NPLOC4: variants seen among roughly 807,000 people sequenced by gnomAD.
NPLOC4 encodes nuclear protein localization protein 4 homolog.
In NPLOC4, 18 loss-of-function variants were observed where a neutral mutation model predicts 80.6. That is an observed-to-expected ratio of 0.22 (90% CI 0.15 to 0.33). The LOEUF is 0.33. NPLOC4 is among the 10% of genes least tolerant of loss of function. NPLOC4 has a pLI of 1.00. For missense variants in NPLOC4, 540 were observed against 786.1 expected, an observed-to-expected ratio of 0.69 and a Z score of 3.74; for synonymous variants, 313 against 301.5, an observed-to-expected ratio of 1.04 and a Z score of -0.39.
chr17:81,625,662 T>G (rs2035775794), intron 2 of NPLOC4, among the ~76,000 whole-genome samples: 1 of 151,898 alleles, frequency 6.6e-6, no homozygotes, highest in Non-Finnish European at 1.5e-5. Context: ...GCCCAGAAGT[T>G]TAAGGCTACA....
In NPLOC4 at chr17:81,560,015, A is replaced by G. The variant is rs931275551; in HGVS notation, c.1670-599T>C. ...CTCCCAAAGTGCTGGGATTATAGGT[A>G]TGAGCCACCATGCCCAGCCTCCAGT... On this transcript the variant is annotated intron_variant, in intron 16 of 16. Coordinates refer to ENST00000331134, the MANE Select transcript of NPLOC4 (RefSeq NM_017921.4). 4.0e-5 allele frequency among the ~76,000 whole-genome samples: 6 copies of G among 151,576 alleles called. No individual in the cohort carries two copies. The East Asian group carries it at 7.9e-4, about 20-fold the overall frequency.
Position 81,596,202 on chromosome 17 carries a change from C to G in NPLOC4, c.1034G>C (p.Gly345Ala), listed in dbSNP as rs773189480. ...GTTGGGATGCTTGTTCTGGAAGTCTCCTGCAGTGATGCACTCTTCTGAACT... is the reference window on the plus strand; with the variant it reads ...GTTGGGATGCTTGTTCTGGAAGTCTGCTGCAGTGATGCACTCTTCTGAACT... ...FLSSEECITA[G>A]DFQNKHPNMC... Residue 345 changes from glycine to alanine, a missense_variant, in exon 11 of 17, where the codon GGA becomes GCA. By Grantham distance (60) the Gly-to-Ala change is moderately conservative. Coordinates refer to ENST00000331134, the MANE Select transcript of NPLOC4 (RefSeq NM_017921.4). The G allele has an allele frequency of 1.9e-6, 3 of 1,613,976 alleles. No homozygotes were observed. The highest frequency in any genetic ancestry group is 2.2e-5 in the South Asian group (2 of 91,082).
intron 3 of NPLOC4, among the ~76,000 whole-genome samples, chr17:81,616,546 C>T (rs555878558): frequency 3.3e-5 from 5 of 151,582 alleles, no homozygotes; most frequent in African/African-American, 7.3e-5. Flanking sequence ...CTGGCTAACA[C>T]GGTGAAACCC....
intron 1 of NPLOC4, among the ~76,000 whole-genome samples, chr17:81,630,795 T>C (rs2035907978): frequency 6.6e-6 from 1 of 152,092 alleles, no homozygotes; most frequent in East Asian, 1.9e-4. Context: ...GAGGATCACT[T>C]AAACCAGGGA....
rs71367066 is a variant in NPLOC4, at chr17:81,581,375, A to AGGC, written c.1281+7568_1281+7569insGCC. 5.4e-4 allele frequency among the ~76,000 whole-genome samples: 39 copies of AGGC among 72,802 alleles called. 13 individuals carry two copies. Among genetic ancestry groups the AGGC allele is most frequent in the Non-Finnish European group, 9.1e-4 (32 of 34,992 alleles). 47.8% of individuals were successfully genotyped at this position (72,802 alleles called of 152,430 possible). Reference sequence around the variant, plus strand: ...AAAAAAAAAAAAAAAAAAAAAAAAAAAGTTAATAAAATCACCATGTCACAA... The same window carrying AGGC: ...AAAAAAAAAAAAAAAAAAAAAAAAAAGGCAGTTAATAAAATCACCATGTCACAA... On this transcript the variant is annotated intron_variant, in intron 12 of 16. Coordinates refer to ENST00000331134, the MANE Select transcript of NPLOC4 (RefSeq NM_017921.4).
At chr17:81,623,534 G>A (rs1283822990) in intron 2 of NPLOC4, among the ~76,000 whole-genome samples, 1 of 149,608 alleles carries the variant, frequency 6.7e-6, no homozygotes, top group Non-Finnish European at 1.5e-5. Flanking sequence ...CGCGGTGGCT[G>A]ACGCCTGTAA....
rs1327175732 is a variant in NPLOC4, at chr17:81,558,530, G to C, written c.*729C>G. ...CAACCTCGGGGGCTTCACTAAAGGA[G>C]GGAAGGATGTGGAAACTAGTCTCTC... On this transcript the variant is annotated 3_prime_UTR_variant, in exon 17 of 17. Coordinates refer to ENST00000331134, the MANE Select transcript of NPLOC4 (RefSeq NM_017921.4). 1.3e-5 allele frequency: 2 copies of C among 152,164 alleles called. No individual in the cohort carries two copies. Among genetic ancestry groups the C allele is most frequent in the Admixed American group, 1.3e-4 (2 of 15,268 alleles). The allele number at this position is 152,164 out of a possible 1,614,324, so 9.4% of individuals were successfully genotyped here. A position where few individuals can be genotyped will look rare whatever the true frequency, so the allele number is the denominator to read the frequency against.
chr17:81,578,097 G>A (rs1461661594), intron 12 of NPLOC4, among the ~76,000 whole-genome samples: 1 of 152,144 alleles, frequency 6.6e-6, no homozygotes, highest in East Asian at 1.9e-4. Context: ...TCCAATGCCT[G>A]GATTGTTGCA....
rs1421472529 is a variant in NPLOC4 at position 81,557,159 on chromosome 17, G to A, written c.*2100C>T. On this transcript the variant is annotated 3_prime_UTR_variant, in exon 17 of 17. Coordinates refer to ENST00000331134, the MANE Select transcript of NPLOC4 (RefSeq NM_017921.4). ...GCATGAGAGGGTGTGTCCACACCAAGGGCAGGTGAAGATGCGAGGTGGGGC... is the reference window on the plus strand; with the variant it reads ...GCATGAGAGGGTGTGTCCACACCAAAGGCAGGTGAAGATGCGAGGTGGGGC... 1 of 152,304 alleles carries A rather than the reference G, an allele frequency of 6.6e-6. No homozygotes were observed. The highest frequency in any genetic ancestry group is 2.4e-5 in the African/African-American group (1 of 41,446). 9.4% of individuals were successfully genotyped at this position (152,304 alleles called of 1,614,324 possible). A position where few individuals can be genotyped will look rare whatever the true frequency, so the allele number is the denominator to read the frequency against.
At chr17:81,610,160 AC>A (rs1207151358) in intron 5 of NPLOC4, 49 bp downstream of exon 5, 1 of 1,523,240 alleles carries the variant, frequency 6.6e-7, no homozygotes, top group Admixed American at 2.0e-5. Flanking sequence ...ACAGCTGTCT[AC>A]CCGCAGCCCC....
intron 1 of NPLOC4, among the ~76,000 whole-genome samples, chr17:81,632,616 C>T (rs966796843): frequency 2.0e-5 from 3 of 152,010 alleles, no homozygotes; most frequent in Admixed American, 2.0e-4. Context: ...ACCCGGCCTC[C>T]CTTATTTCCT....
chr17:81,606,494 C>T (rs1204811085), intron 7 of NPLOC4, among the ~76,000 whole-genome samples, 197 bp downstream of exon 7: 1 of 152,162 alleles, frequency 6.6e-6, no homozygotes, highest in Non-Finnish European at 1.5e-5. Context: ...GGCGCGCACT[C>T]CATATCTCCA....
chr17:81,574,033 G>GC (rs1374099222), intron 12 of NPLOC4, among the ~76,000 whole-genome samples: 4 of 152,216 alleles, frequency 2.6e-5, no homozygotes, highest in African/African-American at 4.8e-5. Context: ...GGGTCCTGGG[G>GC]CCCCAAAAGA....
chr17:81,597,388 C>T (rs961319681), intron 9 of NPLOC4, 72 bp from the exon 10 acceptor site: 36 of 1,193,636 alleles, frequency 3.0e-5, no homozygotes, highest in Admixed American at 3.4e-5. Context: ...CAGTGACTCA[C>T]GCCTATAATC....
intron 6 of NPLOC4, among the ~76,000 whole-genome samples, chr17:81,607,988 C>T (rs137946753): frequency 9.8e-5 from 15 of 152,288 alleles, no homozygotes; most frequent in African/African-American, 3.4e-4. Context: ...GTAGGGTGTA[C>T]AGAGAGCCAA....
chr17:81,582,398 G>A (rs1488283864), intron 12 of NPLOC4, among the ~76,000 whole-genome samples: 1 of 152,228 alleles, frequency 6.6e-6, no homozygotes, highest in African/African-American at 2.4e-5. Context: ...TGTTCTGTGT[G>A]TGTATGTATG....
Position 81,618,346 on chromosome 17 carries a change from G to A in NPLOC4, c.209+3820C>T, listed in dbSNP as rs1345065451. 6.1e-5 allele frequency among the ~76,000 whole-genome samples: 9 copies of A among 148,192 alleles called. No individual in the cohort carries two copies. The East Asian group carries it at 1.6e-3, about 27-fold the overall frequency. On this transcript the variant is annotated intron_variant, in intron 3 of 16. Transcript: ENST00000331134. ...ATGTGAGGAGCGCCTCTGCCTGGCCGCGACCCCGTCTGGGAGGTGAGGAGC... is the reference window on the plus strand; with the variant it reads ...ATGTGAGGAGCGCCTCTGCCTGGCCACGACCCCGTCTGGGAGGTGAGGAGC...
intron 2 of NPLOC4, among the ~76,000 whole-genome samples, chr17:81,629,433 C>A (rs375232636): frequency 6.6e-6 from 1 of 152,046 alleles, no homozygotes; most frequent in African/African-American, 2.4e-5. Flanking sequence ...CGTGATCCAC[C>A]CGCCTTGGTC....
chr17:81,608,047 A>G (rs1477557606), intron 6 of NPLOC4, among the ~76,000 whole-genome samples: 3 of 152,208 alleles, frequency 2.0e-5, no homozygotes, highest in Non-Finnish European at 2.9e-5. Flanking sequence ...AAAAGAAATC[A>G]AAATGCTCAG....
Sources: allele counts gnomAD v4.1 joint callset (sites outside exome capture counted in the v4.1 genomes callset), GRCh38; gene constraint gnomAD v4.1.1; transcripts MANE v1.5; gene names NCBI Gene and HGNC (gene_info 2026-07-23, HGNC 2026-07-21).